CDHR3: variants seen among roughly 807,000 people sequenced by gnomAD.
The protein encoded by CDHR3 is cadherin-related family member 3.
A neutral mutation model predicts 86.6 loss-of-function variants in CDHR3; 79 were observed. The ratio of observed to expected loss-of-function variants is 0.91; its 90% CI spans 0.76 to 1.10. The LOEUF (loss-of-function observed/expected upper bound fraction) is 1.10, where lower values mean the gene tolerates loss of function less well. CDHR3 is among the 50% of genes least tolerant of loss of function. The pLI is 0.00. For missense variants in CDHR3, 1,081 were observed against 1,077.6 expected (o/e 1.00, Z -0.04); for synonymous variants, 421 against 402.4 (o/e 1.05, Z -0.55).
intron 8 of CDHR3, among the ~76,000 whole-genome samples, chr7:106,011,894 TA>T (rs1388640019): frequency 6.6e-6 from 1 of 152,188 alleles, no homozygotes; most frequent in African/African-American, 2.4e-5. Flanking sequence ...TGATCATTAA[TA>T]AATCTCTTTT....
chr7:106,026,196 A>G (rs908379585), intron 15 of CDHR3, among the ~76,000 whole-genome samples: 4 of 152,356 alleles, frequency 2.6e-5, no homozygotes, highest in South Asian at 2.1e-4. Context: ...TTACAGAGCT[A>G]TAGAATCCAA....
chr7:106,030,832 T>A lies in CDHR3; in HGVS notation c.2345T>A (p.Ile782Lys). The A allele has an allele frequency of 6.2e-7, 1 of 1,610,700 alleles. No individual in the cohort carries two copies. Among genetic ancestry groups the A allele is most frequent in the Non-Finnish European group, 8.5e-7 (1 of 1,178,492 alleles). ...AACACTATCTTTGATGGAGAAGCCA[T>A]AGATCCAGGTAATTAAGTGGCAATA... ...QMNTIFDGEA[I>K]DPVTGETYEF... Residue 782 changes from isoleucine to lysine, a missense_variant, in exon 18 of 19, where the codon ATA (isoleucine) becomes AAA (lysine). Physicochemically the swap from Ile to Lys is moderately radical, Grantham distance 102. Transcript: ENST00000317716. The surrounding 1 kb of genome is among the most constrained non-coding windows in gnomAD (Gnocchi z 4.8).
At chr7:105,995,489 T>C (rs1563259729) in intron 5 of CDHR3, among the ~76,000 whole-genome samples, 1 of 152,168 alleles carries the variant, frequency 6.6e-6, no homozygotes, top group Non-Finnish European at 1.5e-5. Flanking sequence ...AGTCTTTGAT[T>C]TGGGCAGATG....
intron 5 of CDHR3, 110 bp from the exon 6 acceptor site, chr7:105,996,140 C>A (rs1425476129): frequency 3.2e-6 from 2 of 629,364 alleles, no homozygotes; most frequent in South Asian, 2.0e-5. Flanking sequence ...GGCTCACCAC[C>A]AAAGGGGCAG....
chr7:105,986,100 G>A (rs1026032635), intron 4 of CDHR3, among the ~76,000 whole-genome samples: 4 of 152,140 alleles, frequency 2.6e-5, no homozygotes, highest in Non-Finnish European at 5.9e-5. Context: ...AACCAGGGAG[G>A]GATACAGGAT....
In CDHR3 at chr7:106,018,963, T is replaced by C. The variant is rs1836101962; in HGVS notation, c.1653+891T>C. Among the ~76,000 whole-genome samples the C allele has an allele frequency of 2.0e-5, 3 of 152,088 alleles. No homozygotes were observed. The South Asian group carries it at 6.2e-4, about 32-fold the overall frequency. On this transcript the variant is annotated intron_variant, in intron 12 of 18. Coordinates refer to ENST00000317716, the MANE Select transcript of CDHR3 (RefSeq NM_152750.5). ...GGCGCTGCTGGTCCCCTGCCACACC[T>C]CGAGTTGCAGGGACCTAATAGGTCC...
At chr7:105,990,323 G>A (rs1294766107) in intron 4 of CDHR3, among the ~76,000 whole-genome samples, 1 of 152,122 alleles carries the variant, frequency 6.6e-6, no homozygotes, top group Admixed American at 6.5e-5. Flanking sequence ...AATGAACCAC[G>A]AGCAGGAGCC....
At chr7:105,981,898 T>C (rs147708914) in intron 3 of CDHR3, among the ~76,000 whole-genome samples, 87 of 152,120 alleles carry the variant, frequency 5.7e-4, no homozygotes, top group Admixed American at 1.2e-3. Context: ...TCTTTCACAC[T>C]TGACATGAAA....
At chr7:106,001,160 A>G (rs973229140) in intron 6 of CDHR3, among the ~76,000 whole-genome samples, 3 of 152,182 alleles carry the variant, frequency 2.0e-5, no homozygotes, top group Non-Finnish European at 4.4e-5. Context: ...ATTTCAAAAG[A>G]CGTTAATGCC....
intron 4 of CDHR3, among the ~76,000 whole-genome samples, chr7:105,989,728 G>A (rs1220524651): frequency 6.6e-6 from 1 of 152,150 alleles, no homozygotes; most frequent in Admixed American, 6.5e-5. Context: ...TTGATTTCTG[G>A]ATGAGGGAGG....
chr7:105,968,106 A>G (rs1216691413), intron 1 of CDHR3, among the ~76,000 whole-genome samples: 4 of 152,218 alleles, frequency 2.6e-5, no homozygotes, highest in Non-Finnish European at 5.9e-5. Flanking sequence ...CCGACCTAAT[A>G]TAATGTACAG....
In CDHR3 at chr7:106,028,577, G is replaced by C; in HGVS notation, c.2299G>C (p.Val767Leu). Reference sequence around the variant, plus strand: ...AACGAAGACTGCAGAGAGAGACGTCGTGGTGGTGAGTATGGGCAGTGTGGG... The same window carrying C: ...AACGAAGACTGCAGAGAGAGACGTCCTGGTGGTGAGTATGGGCAGTGTGGG... ...GETKTAERDV[V>L]VETIQMNTIF... The change falls in exon 17 of 19, where the codon GTG becomes CTG. Residue 767 changes from valine (V) to leucine (L), a missense_variant. Coordinates refer to ENST00000317716, the MANE Select transcript of CDHR3 (RefSeq NM_152750.5). 1 of 1,613,976 alleles carries C rather than the reference G, an allele frequency of 6.2e-7. No homozygotes were observed. The highest frequency in any genetic ancestry group is 8.5e-7 in the Non-Finnish European group (1 of 1,179,872).
At chr7:105,975,161 T>G in intron 2 of CDHR3, 115 bp downstream of exon 2, 1 of 940,146 alleles carries the variant, frequency 1.1e-6, no homozygotes, top group South Asian at 1.4e-5. Context: ...ATCTTCCCTC[T>G]TGTAAGGTCC....
At chr7:105,998,338 T>C (rs1293794151) in intron 6 of CDHR3, among the ~76,000 whole-genome samples, 1 of 152,244 alleles carries the variant, frequency 6.6e-6, no homozygotes, top group Non-Finnish European at 1.5e-5. Flanking sequence ...TACTATTTGT[T>C]AAACGCATGC....
At chr7:105,974,741 T>A in intron 1 of CDHR3, 103 bp from the exon 2 acceptor site, 1 of 848,198 alleles carries the variant, frequency 1.2e-6, no homozygotes. Flanking sequence ...GCTCTCATCG[T>A]CACCCTGAGC....
rs1050593119 is a variant in CDHR3 at position 105,996,236 on chromosome 7, T to A, written c.609-14T>A. The A allele has an allele frequency of 6.9e-7, 1 of 1,451,088 alleles. No individual in the cohort carries two copies. Among genetic ancestry groups the A allele is most frequent in the Non-Finnish European group, 9.7e-7 (1 of 1,035,606 alleles). The allele number at this position is 1,451,088 out of a possible 1,614,324, so 89.9% of individuals were successfully genotyped here. A position where few individuals can be genotyped will look rare whatever the true frequency, so the allele number is the denominator to read the frequency against. On this transcript the variant is annotated splice_polypyrimidine_tract_variant and intron_variant, in intron 5 of 18. Coordinates refer to ENST00000317716, the MANE Select transcript of CDHR3 (RefSeq NM_152750.5). The stretch of plus-strand genomic sequence containing the variant: ...CAAAGCTTGATTCTCTCACGTGGAA[T>A]GTTTCCCTGGCAGTTTCCATCTCAT...
chr7:106,024,481 T>A lies in CDHR3; in HGVS notation c.2177T>A (p.Leu726His), dbSNP rs746455447. ...TTGGGCTCCATATTGCTTCTGGGTCTCCTCGTGTACCTGGTCGTCCTATTG... is the reference window on the plus strand; with the variant it reads ...TTGGGCTCCATATTGCTTCTGGGTCACCTCGTGTACCTGGTCGTCCTATTG... ...ITLGSILLLG[L>H]LVYLVVLLAK... The change falls in exon 15 of 19, where the codon CTC becomes CAC. Residue 726 changes from leucine (L) to histidine (H), a missense_variant. Coordinates refer to ENST00000317716, the MANE Select transcript of CDHR3 (RefSeq NM_152750.5). 6.2e-7 allele frequency: 1 copy of A among 1,614,058 alleles called. No homozygotes were observed. The highest frequency in any genetic ancestry group is 8.5e-7 in the Non-Finnish European group (1 of 1,179,898).
intron 7 of CDHR3, among the ~76,000 whole-genome samples, chr7:106,001,907 A>T (rs1464712452): frequency 6.6e-6 from 1 of 152,224 alleles, no homozygotes; most frequent in Admixed American, 6.5e-5. Context: ...GTATATGTTT[A>T]GTGCAAATGC....
At position 106,035,093 on chromosome 7, in the gene CDHR3, A is replaced by AG. The variant is rs1838806024; in HGVS notation, c.*2396_*2397insG. Among the ~76,000 whole-genome samples, 1 of 152,074 alleles carries AG rather than the reference A, an allele frequency of 6.6e-6. No individual in the cohort carries two copies. Among genetic ancestry groups the AG allele is most frequent in the African/African-American group, 2.4e-5 (1 of 41,422 alleles). ...AAACTCTGTGTCAAGAAAAAAAAAA[A>AG]AAAAAGAATAATTAAAAGGAGAGAG... On this transcript the variant is annotated 3_prime_UTR_variant, in exon 19 of 19. Coordinates refer to ENST00000317716, the MANE Select transcript of CDHR3 (RefSeq NM_152750.5).
Sources: gnomAD v4.1 joint callset for allele counts (sites outside exome capture counted in the v4.1 genomes callset) on GRCh38, gnomAD v4.1.1 for gene constraint, Gnocchi (gnomAD v3.1) non-coding constraint, MANE v1.5 for transcripts, NCBI Gene and HGNC (gene_info 2026-07-23, HGNC 2026-07-21) for gene names.